The following C1GALT1 variants were observed in gnomAD, a reference collection of about 807,000 sequenced individuals.
C1GALT1 encodes glycoprotein-N-acetylgalactosamine 3-beta-galactosyltransferase 1.
Under a neutral mutation model 31.0 loss-of-function variants are expected in C1GALT1, and 11 were observed. The ratio of observed to expected loss-of-function variants is 0.36; its 90% CI spans 0.22 to 0.59. C1GALT1 has a LOEUF of 0.59. Ranked by LOEUF, C1GALT1 falls within the 20% of genes least tolerant of loss-of-function variation. The pLI is 0.79. For missense variants in C1GALT1, 424 were observed against 425.2 expected, an observed-to-expected ratio of 1.00 and a Z score of 0.03; for synonymous variants, 175 against 143.6, an observed-to-expected ratio of 1.22 and a Z score of -1.56.
rs1474343821 is a variant in C1GALT1, at chr7:7,245,611, T to A, written c.*1884T>A. 1 of 152,264 alleles carries A rather than the reference T, an allele frequency of 6.6e-6. No homozygotes were observed. The highest frequency in any genetic ancestry group is 1.5e-5 in the Non-Finnish European group (1 of 68,044). The allele number at this position is 152,264 out of a possible 1,614,324, so 9.4% of individuals were successfully genotyped here. On this transcript the variant is annotated 3_prime_UTR_variant, in exon 4 of 4. Coordinates refer to ENST00000436587, the MANE Select transcript of C1GALT1 (RefSeq NM_020156.5). Reference sequence around the variant, plus strand: ...CGTAGTGAAAACATGCACCAGTTTTTACCTATTATCATGGTAGTATCATCT... The same window carrying A: ...CGTAGTGAAAACATGCACCAGTTTTAACCTATTATCATGGTAGTATCATCT...
At chr7:7,236,446 C>G (rs990652517) in intron 2 of C1GALT1, among the ~76,000 whole-genome samples, 21 of 152,168 alleles carry the variant, frequency 1.4e-4, no homozygotes, top group African/African-American at 5.1e-4. Flanking sequence ...TGCTTTCTGA[C>G]TGAAAGTAGG....
chr7:7,199,496 G>A (rs1308467571), intron 1 of C1GALT1, among the ~76,000 whole-genome samples: 2 of 152,202 alleles, frequency 1.3e-5, no homozygotes, highest in Non-Finnish European at 2.9e-5. Context: ...ATGTGGTGCT[G>A]AGAAGAATGT....
chr7:7,219,578 C>T (rs1016775384), intron 1 of C1GALT1, among the ~76,000 whole-genome samples: 2 of 152,112 alleles, frequency 1.3e-5, no homozygotes, highest in African/African-American at 4.8e-5. Context: ...ATAAAACCTA[C>T]ATAAATAAAA....
At chr7:7,215,221 G>T (rs1460476278) in intron 1 of C1GALT1, among the ~76,000 whole-genome samples, 1 of 152,152 alleles carries the variant, frequency 6.6e-6, no homozygotes, top group Non-Finnish European at 1.5e-5. Context: ...GGAGTCCTGG[G>T]CCTGCATCCT....
intron 1 of C1GALT1, 124 bp downstream of exon 1, chr7:7,182,944 G>A: frequency 1.5e-6 from 1 of 673,588 alleles, no homozygotes; most frequent in South Asian, 6.6e-5. Context: ...CGGCGGAACA[G>A]GTGTCTCGGG....
At chr7:7,166,182 A>G (rs540131015) in intron 2 of C1GALT1, among the ~76,000 whole-genome samples, 1 of 152,326 alleles carries the variant, frequency 6.6e-6, no homozygotes, top group African/African-American at 2.4e-5. Flanking sequence ...AGGTTTCCTA[A>G]GCCCACACAA....
chr7:7,182,793 G>A lies in C1GALT1; in HGVS notation c.-45G>A, dbSNP rs1395822745. 3.0e-6 allele frequency: 3 copies of A among 985,412 alleles called. No homozygotes were observed. The highest frequency in any genetic ancestry group is 3.6e-6 in the Non-Finnish European group (3 of 830,056). 61.0% of individuals were successfully genotyped at this position (985,412 alleles called of 1,614,324 possible). A position where few individuals can be genotyped will look rare whatever the true frequency, so the allele number is the denominator to read the frequency against. ...GTCCCCCTCTCCGCCCCCCAGGAGGGGCGAGAGGGAGCCGCAGCTGATGTC... is the reference window on the plus strand; with the variant it reads ...GTCCCCCTCTCCGCCCCCCAGGAGGAGCGAGAGGGAGCCGCAGCTGATGTC... On this transcript the variant is annotated 5_prime_UTR_variant, in exon 1 of 4. Coordinates refer to ENST00000436587, the MANE Select transcript of C1GALT1 (RefSeq NM_020156.5).
chr7:7,184,039 T>C (rs1780707328), intron 1 of C1GALT1, among the ~76,000 whole-genome samples: 1 of 151,722 alleles, frequency 6.6e-6, no homozygotes, highest in Non-Finnish European at 1.5e-5. Flanking sequence ...ATCCGAGTTT[T>C]TAGAAGGTAT....
intron 1 of C1GALT1, among the ~76,000 whole-genome samples, chr7:7,192,976 T>C (rs1392055446): frequency 1.3e-5 from 2 of 152,194 alleles, no homozygotes; most frequent in Non-Finnish European, 2.9e-5. Context: ...TCTATTCATG[T>C]CCTTAGCCCA....
chr7:7,205,630 T>C (rs961824492), intron 1 of C1GALT1, among the ~76,000 whole-genome samples: 21 of 152,206 alleles, frequency 1.4e-4, no homozygotes. Context: ...GTTATATCTT[T>C]TGCTGTATTG....
chr7:7,225,200 A>G (rs1782700749), intron 1 of C1GALT1, among the ~76,000 whole-genome samples: 1 of 152,048 alleles, frequency 6.6e-6, no homozygotes, highest in South Asian at 2.1e-4. Flanking sequence ...TAAATAATCA[A>G]TTTATTTCTC....
At chr7:7,195,646 T>C (rs1342923732) in intron 1 of C1GALT1, among the ~76,000 whole-genome samples, 1 of 142,546 alleles carries the variant, frequency 7.0e-6, no homozygotes, top group Non-Finnish European at 1.5e-5. Context: ...GTATATTCTG[T>C]AGTTGTTGGT....
chr7:7,234,488 AATC>A lies in C1GALT1; in HGVS notation c.173_175del (p.His58del), dbSNP rs1783244137. 6.2e-7 allele frequency: 1 copy of A among 1,613,702 alleles called. No homozygotes were observed. The highest frequency in any genetic ancestry group is 1.7e-5 in the Admixed American group (1 of 60,002). On this transcript the variant is annotated inframe_deletion, in exon 2 of 4. Coordinates refer to ENST00000436587, the MANE Select transcript of C1GALT1 (RefSeq NM_020156.5). ...AAGGCATTCAGATGATAATGGACAG[AATC>A]ATCTAGAAGGACAAATGAACTTCAA...
At chr7:7,241,214 A>AT (rs1417389321) in intron 3 of C1GALT1, among the ~76,000 whole-genome samples, 1 of 152,026 alleles carries the variant, frequency 6.6e-6, no homozygotes, top group Non-Finnish European at 1.5e-5. Flanking sequence ...ATATTAGTAC[A>AT]TAAGTGAGGT....
rs1783741149 is a variant in C1GALT1, at chr7:7,243,880, C to A, written c.*153C>A. The A allele has an allele frequency of 3.6e-6, 2 of 548,920 alleles. No individual in the cohort carries two copies. The highest frequency in any genetic ancestry group is 6.3e-6 in the Non-Finnish European group (2 of 319,466). 34.0% of individuals were successfully genotyped at this position (548,920 alleles called of 1,614,324 possible). The stretch of plus-strand genomic sequence containing the variant: ...TCACATGAATGACTATAAACTGAAG[C>A]TTTAAATGAGCTGTGAAGTGTGTTA... On this transcript the variant is annotated 3_prime_UTR_variant, in exon 4 of 4. Transcript: ENST00000436587.
At chr7:7,163,266 T>G (rs2128226595) in intron 2 of C1GALT1, among the ~76,000 whole-genome samples, 1 of 152,338 alleles carries the variant, frequency 6.6e-6, no homozygotes, top group East Asian at 1.9e-4. Context: ...GTTTAAGTCT[T>G]TAATCCATCT....
At chr7:7,173,353 C>A (rs917469636) in intron 2 of C1GALT1, among the ~76,000 whole-genome samples, 5 of 152,000 alleles carry the variant, frequency 3.3e-5, no homozygotes, top group African/African-American at 1.2e-4. Context: ...GGAAGCCAAG[C>A]AGAAGCCAGC....
intron 1 of C1GALT1, among the ~76,000 whole-genome samples, chr7:7,218,325 G>C (rs1249165866): frequency 6.6e-6 from 1 of 152,198 alleles, no homozygotes; most frequent in Non-Finnish European, 1.5e-5. Context: ...GCTAGACCCT[G>C]TGTACCAAGT....
intron 1 of C1GALT1, among the ~76,000 whole-genome samples, chr7:7,188,770 C>A (rs1245570079): frequency 6.6e-6 from 1 of 151,806 alleles, no homozygotes; most frequent in Non-Finnish European, 1.5e-5. Flanking sequence ...AAAAATAAAC[C>A]TTTTATCTTA....
Sources: gnomAD v4.1 joint callset for allele counts (sites outside exome capture counted in the v4.1 genomes callset) on GRCh38, gnomAD v4.1.1 for gene constraint, MANE v1.5 for transcripts, NCBI Gene and HGNC (gene_info 2026-07-23, HGNC 2026-07-21) for gene names.